NSUN4: variants seen among roughly 807,000 people sequenced by gnomAD.
NSUN4 encodes 5-cytosine rRNA methyltransferase NSUN4.
NSUN4 carries 31 observed loss-of-function variants against 43.8 expected under a neutral mutation model. The observed-to-expected ratio is 0.71, with a 90% CI of 0.53 to 0.96. NSUN4 has a LOEUF of 0.96. Ranked by LOEUF, NSUN4 falls within the 40% of genes least tolerant of loss-of-function variation. The probability of loss-of-function intolerance (pLI) is 0.00; values close to 1 mark genes in which losing one functional copy is unlikely to be tolerated. For synonymous variants in NSUN4, 167 were observed against 184.1 expected, an observed-to-expected ratio of 0.91 and a Z score of 0.75; for missense variants, 439 against 475.6, an observed-to-expected ratio of 0.92 and a Z score of 0.72.
intron 3 of NSUN4, among the ~76,000 whole-genome samples, chr1:46,350,627 G>A (rs1173293217): frequency 6.6e-6 from 1 of 152,214 alleles, no homozygotes; most frequent in East Asian, 1.9e-4. Context: ...AAGGTAGATG[G>A]TAAATCAGAA....
the NSUN4 span, among the ~76,000 whole-genome samples, chr1:46,381,499 G>A: frequency 3.3e-5 from 5 of 152,228 alleles, no homozygotes; most frequent in Admixed American, 3.3e-4. Context: ...ATGCGCCCAG[G>A]GAGCTTTCTG....
chr1:46,380,097 G>C, the NSUN4 span, among the ~76,000 whole-genome samples: 2 of 152,128 alleles, frequency 1.3e-5, no homozygotes, highest in Non-Finnish European at 2.9e-5. Context: ...AGCATTTACT[G>C]CTCCCATCCC....
rs1349849220 is a variant in NSUN4 at position 46,364,326 on chromosome 1, C to CT, written c.*2481dup. 1 of 76,272 alleles carries CT rather than the reference C, an allele frequency of 1.3e-5. No homozygotes were observed. Among genetic ancestry groups the CT allele is most frequent in the African/African-American group, 5.1e-5 (1 of 19,570 alleles). 4.7% of individuals were successfully genotyped at this position (76,272 alleles called of 1,614,324 possible). ...CCAGCCAGGGTGACAGAGTGAGACT[C>CT]TGTCTCAAAAAAAAAAAAAAAAAAA... On this transcript the variant is annotated 3_prime_UTR_variant, in exon 6 of 6. Coordinates refer to ENST00000474844, the MANE Select transcript of NSUN4 (RefSeq NM_199044.4).
intron 4 of NSUN4, 47 bp downstream of exon 4, chr1:46,353,075 C>T (rs755966472): frequency 3.4e-5 from 53 of 1,582,084 alleles, no homozygotes; most frequent in Non-Finnish European, 4.5e-5. Flanking sequence ...AATGCGGCCT[C>T]CCCATCCTGG....
intron 4 of NSUN4, among the ~76,000 whole-genome samples, chr1:46,358,090 T>A (rs1273307463): frequency 6.6e-6 from 1 of 151,862 alleles, no homozygotes; most frequent in Non-Finnish European, 1.5e-5. Flanking sequence ...AATTTTTGTA[T>A]TTATTTATTT....
chr1:46,344,790 C>G lies in NSUN4; in HGVS notation c.94-11C>G, dbSNP rs372992048. ...CTGGGAAAACCAATAAGCCTGTCCT[C>G]TCTCTTTTAGGCTGCCACAGAGCCC... is the stretch of plus-strand genomic sequence containing the variant. On this transcript the variant is annotated splice_polypyrimidine_tract_variant and intron_variant, in intron 1 of 5. Coordinates refer to ENST00000474844, the MANE Select transcript of NSUN4 (RefSeq NM_199044.4). The G allele has an allele frequency of 6.2e-7, 1 of 1,609,576 alleles. No homozygotes were observed. The highest frequency in any genetic ancestry group is 8.5e-7 in the Non-Finnish European group (1 of 1,177,060).
chr1:46,363,234 C>T lies in NSUN4; in HGVS notation c.*1388C>T, dbSNP rs1227654867. On this transcript the variant is annotated 3_prime_UTR_variant, in exon 6 of 6. Transcript: ENST00000474844. ...AGGGCCCTGGAAGATCTCTGAGACT[C>T]AAAATCAGGTGAAGCTAGGAAGATG... The T allele has an allele frequency of 6.6e-6, 1 of 152,244 alleles. No homozygotes were observed. The highest frequency in any genetic ancestry group is 1.5e-5 in the Non-Finnish European group (1 of 68,092). 9.4% of individuals were successfully genotyped at this position (152,244 alleles called of 1,614,324 possible). A position where few individuals can be genotyped will look rare whatever the true frequency, so the allele number is the denominator to read the frequency against.
intron 4 of NSUN4, among the ~76,000 whole-genome samples, chr1:46,355,361 G>A (rs930112775): frequency 1.3e-5 from 2 of 152,168 alleles, no homozygotes; most frequent in African/African-American, 4.8e-5. Context: ...ATATGGGTTA[G>A]GGCAAGGATT....
intron 4 of NSUN4, among the ~76,000 whole-genome samples, chr1:46,357,374 G>C (rs1403094456): frequency 4.6e-5 from 7 of 152,134 alleles, no homozygotes; most frequent in African/African-American, 1.7e-4. Flanking sequence ...GTGGAGACGG[G>C]GTTTTGTCAT....
chr1:46,357,505 A>T (rs547205456), intron 4 of NSUN4, among the ~76,000 whole-genome samples: 1 of 152,332 alleles, frequency 6.6e-6, no homozygotes, highest in East Asian at 1.9e-4. Flanking sequence ...TAGAACCAAG[A>T]TATTCAGATA....
At chr1:46,357,857 T>C (rs1052766669) in intron 4 of NSUN4, among the ~76,000 whole-genome samples, 1 of 152,240 alleles carries the variant, frequency 6.6e-6, no homozygotes, top group Admixed American at 6.5e-5. Context: ...TTTTCATTGC[T>C]GACTTAAGCA....
At chr1:46,361,535 C>T in intron 5 of NSUN4, 35 bp from the exon 6 acceptor site, 1 of 1,599,904 alleles carries the variant, frequency 6.3e-7, no homozygotes, top group Admixed American at 1.7e-5. Flanking sequence ...CTGGGAAGCT[C>T]ACTAGTAACT....
chr1:46,357,211 C>T (rs2148405635), intron 4 of NSUN4, among the ~76,000 whole-genome samples: 1 of 152,316 alleles, frequency 6.6e-6, no homozygotes, highest in East Asian at 1.9e-4. Context: ...CAGGGTTTCA[C>T]TCCCATCGCC....
chr1:46,343,849 C>T, intron 1 of NSUN4: 1 of 400,802 alleles, frequency 2.5e-6, no homozygotes, highest in Non-Finnish European at 4.4e-6. Context: ...TGGCAAAGGT[C>T]AAGGCCAGAG....
rs141508983 is a variant in NSUN4, at chr1:46,358,862, A to G, written c.754-1842A>G. 2.5e-3 allele frequency among the ~76,000 whole-genome samples: 385 copies of G among 152,300 alleles called. 3 individuals are homozygous for G. The highest frequency in any genetic ancestry group is 8.4e-3 in the African/African-American group (348 of 41,572). ...AATTCCTATATCAAAACTATTGTTG[A>G]CAATCAGTTACAGATGGAACTTCGT... On this transcript the variant is annotated intron_variant, in intron 4 of 5. Transcript: ENST00000474844.
chr1:46,369,344 A>G (rs1664201758), downstream of NSUN4, among the ~76,000 whole-genome samples: 1 of 152,186 alleles, frequency 6.6e-6, no homozygotes, highest in African/African-American at 2.4e-5. Context: ...GGTAGTTAGT[A>G]TATATTTGAG....
chr1:46,384,046 G>C, the NSUN4 span, among the ~76,000 whole-genome samples: 1 of 152,114 alleles, frequency 6.6e-6, no homozygotes, highest in Admixed American at 6.5e-5. Flanking sequence ...GTGGTTTGGC[G>C]GGAAAAATGG....
chr1:46,360,220 C>A (rs1428598223), intron 4 of NSUN4, among the ~76,000 whole-genome samples: 2 of 59,996 alleles, frequency 3.3e-5, no homozygotes, highest in African/African-American at 1.5e-4. Context: ...CAGAGCAAGA[C>A]TCCATCTCAA....
At chr1:46,375,020 A>C in the NSUN4 span, among the ~76,000 whole-genome samples, 3 of 152,236 alleles carry the variant, frequency 2.0e-5, no homozygotes, top group Non-Finnish European at 2.9e-5. Flanking sequence ...AAGATATACA[A>C]TTTTTATTTG....
Sources: allele counts gnomAD v4.1 joint callset (sites outside exome capture counted in the v4.1 genomes callset), GRCh38; gene constraint gnomAD v4.1.1; transcripts MANE v1.5; gene names NCBI Gene and HGNC (gene_info 2026-07-23, HGNC 2026-07-21).